TBC1D32: variants seen among roughly 807,000 people sequenced by gnomAD.
The protein encoded by TBC1D32 is protein broad-minded.
Under a neutral mutation model 170.3 loss-of-function variants are expected in TBC1D32, and 151 were observed. That is an observed-to-expected ratio of 0.89 (90% CI 0.78 to 1.01). The LOEUF (loss-of-function observed/expected upper bound fraction) is 1.01. Among genes scored for constraint, TBC1D32 ranks in the 50% least tolerant of loss-of-function variants. The pLI is 0.00. For synonymous variants in TBC1D32, 498 were observed against 488.0 expected (o/e 1.02, Z -0.27); for missense variants, 1,464 against 1,457.1 (o/e 1.00, Z -0.08).
chr6:121,308,130 ACACT>A (rs748513988), intron 4 of TBC1D32, 29 bp from the exon 5 acceptor site: 101 of 1,600,824 alleles, frequency 6.3e-5, no homozygotes, highest in Admixed American at 1.2e-4. Context: ...ACTTTTATTA[ACACT>A]CAGTCACTAA....
At chr6:121,326,108 A>G (rs774152696) in intron 1 of TBC1D32, among the ~76,000 whole-genome samples, 5 of 152,208 alleles carry the variant, frequency 3.3e-5, no homozygotes, top group Non-Finnish European at 4.4e-5. Flanking sequence ...ATAAAGCCCA[A>G]TCTGTAAGCA....
chr6:121,321,538 T>C (rs1228050439), intron 2 of TBC1D32, 95 bp downstream of exon 2: 4 of 1,159,690 alleles, frequency 3.4e-6, no homozygotes, highest in African/African-American at 1.6e-5. Context: ...CTGGCTGCTA[T>C]GAGGGAAATA....
intron 22 of TBC1D32, among the ~76,000 whole-genome samples, chr6:121,173,714 G>C (rs1432781792): frequency 1.3e-5 from 2 of 151,982 alleles, no homozygotes; most frequent in Non-Finnish European, 2.9e-5. Context: ...TATATGGGGG[G>C]TACCAGGGGA....
intron 1 of TBC1D32, among the ~76,000 whole-genome samples, chr6:121,329,346 T>C (rs1030818630): frequency 1.3e-5 from 2 of 152,140 alleles, no homozygotes; most frequent in South Asian, 2.1e-4. Flanking sequence ...GTCATCCTTT[T>C]AGCTATTTAA....
At chr6:121,229,338 C>T (rs940974211) in intron 20 of TBC1D32, among the ~76,000 whole-genome samples, 13 of 152,114 alleles carry the variant, frequency 8.5e-5, no homozygotes, top group African/African-American at 2.7e-4. Context: ...TTTTAATCTA[C>T]AGGCATTCAT....
At chr6:121,194,626 T>G (rs1434938862) in intron 22 of TBC1D32, among the ~76,000 whole-genome samples, 2 of 152,242 alleles carry the variant, frequency 1.3e-5, no homozygotes, top group East Asian at 3.8e-4. Flanking sequence ...GTACCTGGTA[T>G]GCAGCCATTG....
chr6:121,261,518 C>A (rs991215140), intron 15 of TBC1D32, among the ~76,000 whole-genome samples: 6 of 152,146 alleles, frequency 3.9e-5, no homozygotes, highest in Non-Finnish European at 7.3e-5. Context: ...CCCCAGCAAA[C>A]CACAGCAGCC....
chr6:121,290,075 G>A (rs1024962430), intron 12 of TBC1D32, among the ~76,000 whole-genome samples: 1 of 152,110 alleles, frequency 6.6e-6, no homozygotes, highest in Non-Finnish European at 1.5e-5. Context: ...ATACCATTCA[G>A]GACATAGGCA....
chr6:121,229,473 T>A (rs914879817), intron 20 of TBC1D32, among the ~76,000 whole-genome samples: 1 of 152,124 alleles, frequency 6.6e-6, no homozygotes, highest in African/African-American at 2.4e-5. Context: ...TGTTCTTCCA[T>A]CCTTTGGATA....
At position 121,151,132 on chromosome 6, in the gene TBC1D32, T is replaced by C. The variant is rs1422772130; in HGVS notation, c.2773+8878A>G. 2.0e-5 allele frequency among the ~76,000 whole-genome samples: 3 copies of C among 152,206 alleles called. No individual in the cohort carries two copies. The East Asian group carries it at 5.8e-4, about 29-fold the overall frequency. On this transcript the variant is annotated intron_variant, in intron 24 of 31. Coordinates refer to ENST00000398212, the MANE Select transcript of TBC1D32 (RefSeq NM_152730.6). ...TTTAGGTCTTTCCCACTTTCTCTTG[T>C]GGGCATTTAGTGCTATAAATTTCCC...
intron 24 of TBC1D32, 89 bp from the exon 25 acceptor site, chr6:121,131,841 T>C: frequency 9.8e-7 from 1 of 1,017,196 alleles, no homozygotes; most frequent in Non-Finnish European, 1.4e-6. Flanking sequence ...AGTTGAAAAT[T>C]CCATATGGAA....
intron 29 of TBC1D32, 30 bp from the exon 30 acceptor site, chr6:121,106,193 A>T: frequency 8.0e-7 from 1 of 1,256,004 alleles, no homozygotes; most frequent in Non-Finnish European, 1.0e-6. Flanking sequence ...TAAAAATTTT[A>T]TTAATTTTAT....
Position 121,255,427 on chromosome 6 carries a change from T to C in TBC1D32, c.1936-17A>G, listed in dbSNP as rs1238546870. On this transcript the variant is annotated splice_polypyrimidine_tract_variant and intron_variant, in intron 16 of 31. Coordinates refer to ENST00000398212, the MANE Select transcript of TBC1D32 (RefSeq NM_152730.6). Reference sequence around the variant, plus strand: ...CAAACTTGTCTAAAAAATAGTAGAATAATTTATATTGCTTACTGATAGCAC... The same window carrying C: ...CAAACTTGTCTAAAAAATAGTAGAACAATTTATATTGCTTACTGATAGCAC... 1 of 1,265,854 alleles carries C rather than the reference T, an allele frequency of 7.9e-7. No individual in the cohort carries two copies. Among genetic ancestry groups the C allele is most frequent in the Admixed American group, 2.0e-5 (1 of 49,280 alleles). The allele number at this position is 1,265,854 out of a possible 1,614,324, so 78.4% of individuals were successfully genotyped here. A position where few individuals can be genotyped will look rare whatever the true frequency, so the allele number is the denominator to read the frequency against.
At chr6:121,267,322 C>T (rs9482129) in intron 15 of TBC1D32, among the ~76,000 whole-genome samples, 1,815 of 152,266 alleles carry the variant, frequency 0.012, 53 homozygotes, top group African/African-American at 0.042. Flanking sequence ...GGCGGGGCAT[C>T]GCCTTGAAAG....
At chr6:121,180,702 CA>C (rs2128271732) in intron 22 of TBC1D32, among the ~76,000 whole-genome samples, 1 of 152,156 alleles carries the variant, frequency 6.6e-6, no homozygotes, top group African/African-American at 2.4e-5. Flanking sequence ...CCTTCAAAAG[CA>C]AAGGCGACAA....
At chr6:121,240,611 G>A (rs964705167) in intron 19 of TBC1D32, among the ~76,000 whole-genome samples, 33 of 151,278 alleles carry the variant, frequency 2.2e-4, no homozygotes, top group African/African-American at 6.6e-4. Flanking sequence ...CATATTGGCC[G>A]GGTGCGGTGG....
intron 16 of TBC1D32, 103 bp from the exon 17 acceptor site, chr6:121,255,513 A>G (rs6925523): frequency 0.025 from 2,555 of 103,296 alleles, 132 homozygotes; most frequent in African/African-American, 0.11. Flanking sequence ...TATATTTATA[A>G]TTATATTTTA....
At chr6:121,092,293 GTTTTTTTTTT>G (rs1160372863) in intron 30 of TBC1D32, among the ~76,000 whole-genome samples, 11 of 50,388 alleles carry the variant, frequency 2.2e-4, no homozygotes, top group African/African-American at 3.8e-4. Flanking sequence ...TCAGTTTTAT[GTTTTTTTTTT>G]TTTTTTTTTT....
chr6:121,121,607 A>G (rs1780275998), intron 26 of TBC1D32, among the ~76,000 whole-genome samples: 1 of 152,030 alleles, frequency 6.6e-6, no homozygotes, highest in Admixed American at 6.6e-5. Flanking sequence ...TTTGTAAGGT[A>G]CAGGTGAATC....
Sources: gnomAD v4.1 joint callset for allele counts (sites outside exome capture counted in the v4.1 genomes callset) on GRCh38, gnomAD v4.1.1 for gene constraint, MANE v1.5 for transcripts, NCBI Gene and HGNC (gene_info 2026-07-23, HGNC 2026-07-21) for gene names.